Variants in KCNJ5 observed in about 807,000 individuals in gnomAD.
KCNJ5 encodes G protein-activated inward rectifier potassium channel 4.
KCNJ5 carries 12 observed loss-of-function variants against 20.2 expected under a neutral mutation model. That is an observed-to-expected ratio of 0.59 (90% CI 0.38 to 0.96). KCNJ5 has a LOEUF of 0.96. Ranked by LOEUF, KCNJ5 falls within the 40% of genes least tolerant of loss-of-function variation. KCNJ5 has a pLI of 0.00. For synonymous variants in KCNJ5, 210 were observed against 213.9 expected (o/e 0.98, Z 0.16); for missense variants, 449 against 557.6 (o/e 0.81, Z 1.96).
Position 128,916,545 on chromosome 11 carries a change from C to A in KCNJ5, c.1074C>A (p.Asn358Lys), listed in dbSNP as rs2136003967. ...YNTFHDTYET[N>K]TPSCCAKELA... ...CCTTCCATGATACCTATGAGACCAA[C>A]ACACCCAGCTGCTGTGCCAAGGAGC... The change falls in exon 3 of 3, where the codon AAC becomes AAA. Residue 358 changes from asparagine (N) to lysine (K), a missense_variant. By Grantham distance (94) the Asn-to-Lys change is moderately conservative. This residue lies in a region of KCNJ5 where 34 missense variants were observed against 63.8 expected (regional missense o/e 0.53). Transcript: ENST00000529694. The A allele has an allele frequency of 3.7e-6, 6 of 1,614,202 alleles. No individual in the cohort carries two copies. Among genetic ancestry groups the A allele is most frequent in the Non-Finnish European group, 5.1e-6 (6 of 1,180,032 alleles).
At chr11:128,899,106 G>A (rs1944223779) in intron 1 of KCNJ5, among the ~76,000 whole-genome samples, 1 of 151,998 alleles carries the variant, frequency 6.6e-6, no homozygotes, top group Non-Finnish European at 1.5e-5. Context: ...TTGTGGAGTT[G>A]CTCAGACACT....
At chr11:128,909,285 C>T (rs1034831558) in intron 1 of KCNJ5, among the ~76,000 whole-genome samples, 2 of 152,172 alleles carry the variant, frequency 1.3e-5, no homozygotes, top group Admixed American at 6.5e-5. Flanking sequence ...CACAGCTTCC[C>T]GGTGTTCTGC....
At position 128,911,792 on chromosome 11, in the gene KCNJ5, C is replaced by A; in HGVS notation, c.519C>A (p.Ile173=). Residue 173 remains isoleucine (I), a synonymous_variant, in exon 2 of 3, where the codon ATC becomes ATA. Coordinates refer to ENST00000529694, the MANE Select transcript of KCNJ5 (RefSeq NM_000890.5). The surrounding 1 kb of genome is among the most constrained non-coding windows in gnomAD (Gnocchi z 6.3). ...TTATACTCCTCTTGGTCCAGGCCAT[C>A]CTGGGCTCCATCGTCAATGCCTTCA... ...EGIILLLVQA[I]LGSIVNAFMV... is the part of the protein sequence containing the mutation. 1 of 1,614,248 alleles carries A rather than the reference C, an allele frequency of 6.2e-7. No homozygotes were observed. Among genetic ancestry groups the A allele is most frequent in the Non-Finnish European group, 8.5e-7 (1 of 1,180,048 alleles).
At chr11:128,893,091 G>C (rs368719548) in intron 1 of KCNJ5, among the ~76,000 whole-genome samples, 1 of 152,188 alleles carries the variant, frequency 6.6e-6, no homozygotes, top group South Asian at 2.1e-4. Context: ...AGGCGCTCAG[G>C]CTTCCTGGAA....
chr11:128,898,962 G>A (rs963929404), intron 1 of KCNJ5, among the ~76,000 whole-genome samples: 3 of 152,226 alleles, frequency 2.0e-5, no homozygotes, highest in African/African-American at 7.2e-5. Flanking sequence ...TTACAGGCGT[G>A]AGCCGCCGTG....
At chr11:128,891,904 C>T (rs1276118776) in intron 1 of KCNJ5, among the ~76,000 whole-genome samples, 183 bp downstream of exon 1, 1 of 152,164 alleles carries the variant, frequency 6.6e-6, no homozygotes, top group East Asian at 1.9e-4. Context: ...TGGAGATCTC[C>T]GTGGCTGCAG....
chr11:128,907,284 G>C (rs531802042), intron 1 of KCNJ5, among the ~76,000 whole-genome samples: 1 of 152,180 alleles, frequency 6.6e-6, no homozygotes, highest in South Asian at 2.1e-4. Flanking sequence ...CCAAGCCAGT[G>C]GTCTCTCCAG....
At chr11:128,903,078 C>A (rs1944319024) in intron 1 of KCNJ5, among the ~76,000 whole-genome samples, 1 of 152,192 alleles carries the variant, frequency 6.6e-6, no homozygotes, top group African/African-American at 2.4e-5. Flanking sequence ...GCAGCTGCCG[C>A]TTTAGAACTG....
At chr11:128,896,119 T>C (rs1944173361) in intron 1 of KCNJ5, among the ~76,000 whole-genome samples, 1 of 152,230 alleles carries the variant, frequency 6.6e-6, no homozygotes, top group Non-Finnish European at 1.5e-5. Context: ...CCCTCCATTT[T>C]TGTCTTTTTT....
In KCNJ5 at chr11:128,891,431, C is replaced by CAGAG. The variant is rs1214176390; in HGVS notation, c.-300_-299insGAGA. 2.8e-4 allele frequency: 26 copies of CAGAG among 92,736 alleles called. No homozygotes were observed. Among genetic ancestry groups the CAGAG allele is most frequent in the African/African-American group, 7.6e-4 (16 of 21,092 alleles). 5.7% of individuals were successfully genotyped at this position (92,736 alleles called of 1,614,324 possible). On this transcript the variant is annotated 5_prime_UTR_variant, in exon 1 of 3. Transcript: ENST00000529694. Reference sequence around the variant, plus strand: ...ACACACACACACACACACACACACACACACACACACAGAGAGAGAGAGAGA... The same window carrying CAGAG: ...ACACACACACACACACACACACACACAGAGACACACACACAGAGAGAGAGAGAGA...
intron 2 of KCNJ5, 57 bp from the exon 3 acceptor site, chr11:128,916,352 G>A (rs1340788051): frequency 1.5e-6 from 2 of 1,290,824 alleles, no homozygotes; most frequent in Non-Finnish European, 2.3e-6. Flanking sequence ...ATGGATGAAT[G>A]GATGGATAGA....
Position 128,916,102 on chromosome 11 carries a change from T to TTGGATGGA in KCNJ5, c.938-269_938-262dup, listed in dbSNP as rs56658633. 9.1e-4 allele frequency among the ~76,000 whole-genome samples: 107 copies of TTGGATGGA among 117,992 alleles called. 1 individual carries two copies. Among genetic ancestry groups the TTGGATGGA allele is most frequent in the Admixed American group, 5.3e-3 (58 of 11,022 alleles). 77.4% of individuals were successfully genotyped at this position (117,992 alleles called of 152,430 possible). A position where few individuals can be genotyped will look rare whatever the true frequency, so the allele number is the denominator to read the frequency against. ...TTTCCATATCTGGATGGATAGATAA[T>TTGGATGGA]TGGATGGATGGATGGATGGATGGAT... On this transcript the variant is annotated intron_variant, in intron 2 of 2. Transcript: ENST00000529694.
chr11:128,911,154 G>A lies in KCNJ5; in HGVS notation c.-10-110G>A. ...TGAGGATTTCACGCCCTGACCCCTG[G>A]ATAACAGAAGAGAAGCCTGGGAGAG... On this transcript the variant is annotated intron_variant, in intron 1 of 2. Coordinates refer to ENST00000529694, the MANE Select transcript of KCNJ5 (RefSeq NM_000890.5). The surrounding 1 kb of genome is among the most constrained non-coding windows in gnomAD (Gnocchi z 6.3). The A allele has an allele frequency of 1.2e-6, 1 of 849,656 alleles. No individual in the cohort carries two copies. Among genetic ancestry groups the A allele is most frequent in the Non-Finnish European group, 2.0e-6 (1 of 511,018 alleles). 52.6% of individuals were successfully genotyped at this position (849,656 alleles called of 1,614,324 possible). A position where few individuals can be genotyped will look rare whatever the true frequency, so the allele number is the denominator to read the frequency against.
At chr11:128,900,703 C>T (rs908521169) in intron 1 of KCNJ5, 4 of 152,218 alleles carry the variant, frequency 2.6e-5, no homozygotes, top group African/African-American at 9.7e-5. Flanking sequence ...TCTACAATGC[C>T]AGAATCCTGG....
At chr11:128,896,318 G>A (rs990361886) in intron 1 of KCNJ5, among the ~76,000 whole-genome samples, 7 of 151,562 alleles carry the variant, frequency 4.6e-5, no homozygotes, top group Non-Finnish European at 7.4e-5. Flanking sequence ...TTCTCTCAGC[G>A]GTAATATTTT....
intron 1 of KCNJ5, among the ~76,000 whole-genome samples, chr11:128,896,317 C>T (rs531771170): frequency 1.8e-3 from 273 of 151,830 alleles, no homozygotes; most frequent in African/African-American, 6.5e-3. Context: ...TTTCTCTCAG[C>T]GGTAATATTT....
intron 2 of KCNJ5, among the ~76,000 whole-genome samples, chr11:128,916,051 T>TGG (rs1944574741): frequency 1.6e-5 from 2 of 122,518 alleles, no homozygotes; most frequent in African/African-American, 6.7e-5. Context: ...GATGGATGGC[T>TGG]ATATCTTTGC....
intron 2 of KCNJ5, among the ~76,000 whole-genome samples, chr11:128,914,591 ACT>A (rs1217481059): frequency 6.6e-6 from 1 of 152,032 alleles, no homozygotes; most frequent in African/African-American, 2.4e-5. Flanking sequence ...GAGTAGCACA[ACT>A]CTGCCGTATC....
At chr11:128,904,424 T>C in intron 1 of KCNJ5, 1 of 1,614,076 alleles carries the variant, frequency 6.2e-7, no homozygotes, top group East Asian at 2.2e-5. Flanking sequence ...GTCGTCAATC[T>C]CATTACCTGT....
Sources: allele counts gnomAD v4.1 joint callset (sites outside exome capture counted in the v4.1 genomes callset), GRCh38; gene constraint gnomAD v4.1.1; regional missense constraint gnomAD v4.1.1; non-coding constraint Gnocchi (gnomAD v3.1); transcripts MANE v1.5; gene names NCBI Gene and HGNC (gene_info 2026-07-23, HGNC 2026-07-21).